BRD10: variants seen among roughly 807,000 people sequenced by gnomAD.
BRD10 encodes the protein bromodomain containing 10.
chr9:5,880,418 A>C, the BRD10 span, among the ~76,000 whole-genome samples: 1 of 151,534 alleles, frequency 6.6e-6, no homozygotes. Context: ...AGGCTGATGC[A>C]GGAGAGAACT....
chr9:5,890,054 A>G, the BRD10 span, among the ~76,000 whole-genome samples: 1 of 152,110 alleles, frequency 6.6e-6, no homozygotes, highest in Non-Finnish European at 1.5e-5. Flanking sequence ...AGAGTCTGGG[A>G]CTAGATGCTC....
At chr9:5,988,522 A>G in the BRD10 span, 2 of 1,613,804 alleles carry the variant, frequency 1.2e-6, no homozygotes, top group Non-Finnish European at 1.7e-6. Flanking sequence ...TGTAACTGCT[A>G]TCGTTGTCTT....
chr9:5,914,997 GAACAA>G, the BRD10 span, among the ~76,000 whole-genome samples: 1 of 151,896 alleles, frequency 6.6e-6, no homozygotes, highest in African/African-American at 2.4e-5. Context: ...ACAAACAAAA[GAACAA>G]AACAACAATA....
chr9:5,909,417 CCTGA>C, the BRD10 span: 3 of 152,282 alleles, frequency 2.0e-5, no homozygotes, highest in Non-Finnish European at 4.4e-5. Flanking sequence ...CGCCACTATG[CCTGA>C]CTAATTTTGT....
chr9:5,995,898 A>C, the BRD10 span, among the ~76,000 whole-genome samples: 1 of 152,234 alleles, frequency 6.6e-6, no homozygotes, highest in East Asian at 1.9e-4. Context: ...ATAAACATCA[A>C]AGATGACTGA....
At chr9:5,923,426 G>T in the BRD10 span, 2 of 749,150 alleles carry the variant, frequency 2.7e-6, no homozygotes, top group Non-Finnish European at 4.2e-6. Context: ...GAAATCTACT[G>T]CAGGGTGATT....
chr9:5,945,574 G>A, the BRD10 span, among the ~76,000 whole-genome samples: 9 of 152,070 alleles, frequency 5.9e-5, no homozygotes, highest in African/African-American at 1.9e-4. Context: ...TAATTGTGTG[G>A]CTCATTTCAT....
At chr9:5,993,626 G>T in the BRD10 span, among the ~76,000 whole-genome samples, 1 of 152,186 alleles carries the variant, frequency 6.6e-6, no homozygotes, top group East Asian at 1.9e-4. Flanking sequence ...GACTGTAGGA[G>T]AAGGCCATAA....
chr9:5,917,397 G>T, the BRD10 span, among the ~76,000 whole-genome samples: 1 of 152,212 alleles, frequency 6.6e-6, no homozygotes, highest in Non-Finnish European at 1.5e-5. Context: ...ACAAGAGGGA[G>T]AACAGGTTGA....
At chr9:5,991,078 C>G in the BRD10 span, among the ~76,000 whole-genome samples, 1 of 152,024 alleles carries the variant, frequency 6.6e-6, no homozygotes, top group African/African-American at 2.4e-5. Flanking sequence ...TTAAAGATGT[C>G]CATATTACAC....
At chr9:5,922,900 A>T in the BRD10 span, 1 of 1,613,968 alleles carries the variant, frequency 6.2e-7, no homozygotes, top group Non-Finnish European at 8.5e-7. Context: ...CCACAGCAAG[A>T]GCATTTCTAC....
chr9:5,928,613 T>C, the BRD10 span, among the ~76,000 whole-genome samples: 2 of 152,154 alleles, frequency 1.3e-5, no homozygotes, highest in Non-Finnish European at 2.9e-5. Context: ...TTTAGTACCT[T>C]CTATTCCCTC....
chr9:5,943,982 C>A, the BRD10 span, among the ~76,000 whole-genome samples: 4 of 152,138 alleles, frequency 2.6e-5, no homozygotes, highest in Non-Finnish European at 5.9e-5. Context: ...TCTTTCCTAA[C>A]AACATATAAA....
the BRD10 span, among the ~76,000 whole-genome samples, chr9:5,999,178 A>C: frequency 2.6e-5 from 4 of 152,060 alleles, no homozygotes; most frequent in Non-Finnish European, 5.9e-5. Flanking sequence ...TGATAAAATT[A>C]TGTATTTAAC....
the BRD10 span, chr9:5,921,187 G>C: frequency 6.2e-7 from 1 of 1,613,682 alleles, no homozygotes; most frequent in African/African-American, 1.3e-5. Context: ...CTCCTTTTGG[G>C]GTTACATTTT....
the BRD10 span, chr9:5,899,199 A>C: frequency 1.3e-5 from 2 of 152,214 alleles, no homozygotes; most frequent in Non-Finnish European, 2.9e-5. Context: ...TCTTTCCAAA[A>C]GATGTTGGAA....
the BRD10 span, among the ~76,000 whole-genome samples, chr9:5,939,683 G>C: frequency 1.3e-5 from 2 of 152,300 alleles, no homozygotes; most frequent in Middle Eastern, 3.4e-3. Flanking sequence ...TGGACAGAAT[G>C]AAAGAATAAG....
chr9:5,911,542 C>CTT, the BRD10 span, among the ~76,000 whole-genome samples: 13 of 132,952 alleles, frequency 9.8e-5, no homozygotes, highest in African/African-American at 1.7e-4. Context: ...CTTTTCTTTT[C>CTT]TTTTTTTTTT....
the BRD10 span, chr9:5,969,451 C>A: frequency 6.9e-7 from 1 of 1,455,286 alleles, no homozygotes; most frequent in Non-Finnish European, 9.2e-7. Context: ...AGAAATTTAA[C>A]AAATTATACT....
Sources: allele counts gnomAD v4.1 joint callset (sites outside exome capture counted in the v4.1 genomes callset), GRCh38; gene constraint gnomAD v4.1.1; transcripts MANE v1.5; gene names NCBI Gene and HGNC (gene_info 2026-07-23, HGNC 2026-07-21).